The following CPSF3 variants were observed in gnomAD, a reference collection of about 807,000 sequenced individuals.
CPSF3 encodes cleavage and polyadenylation specificity factor subunit 3.
CPSF3 carries 57 observed loss-of-function variants against 84.1 expected under a neutral mutation model. The observed-to-expected ratio is 0.68, with a 90% confidence interval of 0.55 to 0.85. The LOEUF is 0.85. Among genes scored for constraint, CPSF3 ranks in the 40% least tolerant of loss-of-function variants. The probability of loss-of-function intolerance (pLI) is 0.00; values close to 1 mark genes in which losing one functional copy is unlikely to be tolerated. For missense variants in CPSF3, 522 were observed against 838.8 expected, an observed-to-expected ratio of 0.62 and a Z score of 4.66; for synonymous variants, 275 against 278.1, an observed-to-expected ratio of 0.99 and a Z score of 0.11.
intron 14 of CPSF3, among the ~76,000 whole-genome samples, chr2:9,458,939 C>T (rs1197592213): frequency 6.6e-6 from 1 of 151,836 alleles, no homozygotes. Context: ...ATGGAGAAAC[C>T]CTGTCTCTAC....
rs1346204449 is a variant in CPSF3 at position 9,443,624 on chromosome 2, C to T, written c.1205C>T (p.Thr402Ile). ...SFSAHTDYQQ[T>I]SEFIRALKPP... ...TCAGCTCACACGGATTACCAGCAAA[C>T]CAGTGAATTTATTCGTGCTTTGAAA... The change falls in exon 10 of 18, where the codon ACC (threonine) becomes ATC (isoleucine). Residue 402 changes from threonine to isoleucine, a missense_variant. Transcript: ENST00000238112. 2.0e-5 allele frequency: 32 copies of T among 1,614,090 alleles called. No homozygotes were observed. The highest frequency in any genetic ancestry group is 2.7e-5 in the Non-Finnish European group (32 of 1,179,992).
chr2:9,445,400 AGTG>A (rs1558456366), intron 10 of CPSF3, among the ~76,000 whole-genome samples: 1 of 152,144 alleles, frequency 6.6e-6, no homozygotes, highest in Non-Finnish European at 1.5e-5. Context: ...GCAAATGTGA[AGTG>A]GTATCTCGTT....
chr2:9,458,421 G>T (rs1018558531), intron 14 of CPSF3, among the ~76,000 whole-genome samples: 4 of 152,082 alleles, frequency 2.6e-5, no homozygotes, highest in African/African-American at 7.2e-5. Context: ...AAAAAAGAAA[G>T]AAAGTGAAAA....
chr2:9,448,385 G>A, intron 11 of CPSF3, 35 bp downstream of exon 11: 3 of 1,536,612 alleles, frequency 2.0e-6, no homozygotes, highest in Non-Finnish European at 2.6e-6. Context: ...TCCAATCCAT[G>A]TTTTTTCTTC....
chr2:9,450,874 G>A (rs1471631535), intron 11 of CPSF3, among the ~76,000 whole-genome samples: 1 of 152,154 alleles, frequency 6.6e-6, no homozygotes, highest in Non-Finnish European at 1.5e-5. Flanking sequence ...AGGTGAATTG[G>A]AGGAAAAAAA....
At chr2:9,470,567 C>G (rs562795547) in intron 16 of CPSF3, among the ~76,000 whole-genome samples, 31 of 152,350 alleles carry the variant, frequency 2.0e-4, no homozygotes, top group African/African-American at 7.5e-4. Flanking sequence ...TTATCCCCAG[C>G]TACTAGCACA....
chr2:9,458,734 G>T (rs1261662481), intron 14 of CPSF3, among the ~76,000 whole-genome samples: 34 of 151,938 alleles, frequency 2.2e-4, no homozygotes, highest in Admixed American at 2.2e-3. Flanking sequence ...TGTTCCTAGG[G>T]TAAACATGTC....
At chr2:9,426,836 G>T (rs13010977) in intron 1 of CPSF3, among the ~76,000 whole-genome samples, 3 of 144,656 alleles carry the variant, frequency 2.1e-5, no homozygotes, top group Admixed American at 7.0e-5. Context: ...GAGCCCAGGA[G>T]TTGAAGGCCA....
intron 5 of CPSF3, 70 bp downstream of exon 5, chr2:9,432,758 T>TTA: frequency 1.8e-6 from 2 of 1,138,008 alleles, no homozygotes; most frequent in Non-Finnish European, 2.3e-6. Context: ...CAAGTACTAT[T>TTA]AAAAAAAAAA....
intron 11 of CPSF3, among the ~76,000 whole-genome samples, chr2:9,449,068 A>G (rs1461048727): frequency 1.3e-5 from 2 of 151,812 alleles, no homozygotes; most frequent in African/African-American, 4.8e-5. Context: ...GATGGAATAT[A>G]TGAAACATTT....
chr2:9,447,074 G>A (rs564316958), intron 10 of CPSF3, among the ~76,000 whole-genome samples: 2 of 152,176 alleles, frequency 1.3e-5, no homozygotes, highest in East Asian at 3.9e-4. Context: ...CTGGGAGATT[G>A]AGGCCACGGT....
At chr2:9,455,553 G>A (rs1209566481) in intron 12 of CPSF3, 106 bp from the exon 13 acceptor site, 1 of 783,208 alleles carries the variant, frequency 1.3e-6, no homozygotes, top group Non-Finnish European at 2.1e-6. Context: ...TTAGCTTTCT[G>A]AAAAACATGT....
chr2:9,445,031 A>G (rs1681083254), intron 10 of CPSF3, among the ~76,000 whole-genome samples: 1 of 152,146 alleles, frequency 6.6e-6, no homozygotes, highest in East Asian at 1.9e-4. Context: ...TGCAGTTTTA[A>G]CCATTTTTAA....
At chr2:9,468,338 C>T (rs1682044738) in intron 16 of CPSF3, among the ~76,000 whole-genome samples, 1 of 151,974 alleles carries the variant, frequency 6.6e-6, no homozygotes, top group East Asian at 1.9e-4. Context: ...TCGAGCAATC[C>T]GCCTCAGCCT....
At chr2:9,463,617 A>T (rs951307353) in intron 15 of CPSF3, among the ~76,000 whole-genome samples, 4 of 152,226 alleles carry the variant, frequency 2.6e-5, no homozygotes, top group Non-Finnish European at 4.4e-5. Context: ...GGTGACAAGT[A>T]TTGCAAGAAC....
chr2:9,454,406 T>A (rs913848601), intron 12 of CPSF3, among the ~76,000 whole-genome samples: 2 of 152,092 alleles, frequency 1.3e-5, no homozygotes, highest in African/African-American at 2.4e-5. Flanking sequence ...AGACTCTGTC[T>A]CAAAAAAGAA....
At chr2:9,443,366 G>T in intron 9 of CPSF3, 149 bp from the exon 10 acceptor site, 5 of 670,034 alleles carry the variant, frequency 7.5e-6, no homozygotes, top group East Asian at 2.7e-5. Flanking sequence ...ATGAGTATTT[G>T]ATATTTACTG....
At chr2:9,444,877 G>T (rs1011344427) in intron 10 of CPSF3, among the ~76,000 whole-genome samples, 2 of 151,978 alleles carry the variant, frequency 1.3e-5, no homozygotes, top group Admixed American at 6.6e-5. Flanking sequence ...TGTTGGCCAG[G>T]CTGTTCTCAA....
chr2:9,450,763 GA>G (rs1446913442), intron 11 of CPSF3, among the ~76,000 whole-genome samples: 1 of 152,172 alleles, frequency 6.6e-6, no homozygotes, highest in Non-Finnish European at 1.5e-5. Context: ...ACTCCAGCCT[GA>G]GCAACAGAGC....
Sources: gnomAD v4.1 joint callset for allele counts (sites outside exome capture counted in the v4.1 genomes callset) on GRCh38, gnomAD v4.1.1 for gene constraint, MANE v1.5 for transcripts, NCBI Gene and HGNC (gene_info 2026-07-23, HGNC 2026-07-21) for gene names.